The following CFDP1 variants were observed in gnomAD, a reference collection of about 807,000 sequenced individuals.
CFDP1 encodes chromatin remodeling protein CFDP1.
A neutral mutation model predicts 40.1 loss-of-function variants in CFDP1; 31 were observed. The observed-to-expected ratio is 0.77, with a 90% CI of 0.58 to 1.04. The LOEUF (loss-of-function observed/expected upper bound fraction) is 1.04, where lower values mean the gene tolerates loss of function less well. Ranked by LOEUF, CFDP1 falls within the 50% of genes least tolerant of loss-of-function variation. The pLI is 0.00. For missense variants in CFDP1, 423 were observed against 343.4 expected, an observed-to-expected ratio of 1.23 and a Z score of -1.83; for synonymous variants, 167 against 120.0, an observed-to-expected ratio of 1.39 and a Z score of -2.56.
chr16:75,416,384 AAAT>A (rs750314743), intron 1 of CFDP1, among the ~76,000 whole-genome samples: 15 of 152,224 alleles, frequency 9.9e-5, no homozygotes, highest in Non-Finnish European at 2.2e-4. Context: ...CATGGAATAA[AAAT>A]AAGACTTTTA....
At chr16:75,328,768 T>C (rs1425914136) in intron 5 of CFDP1, among the ~76,000 whole-genome samples, 1 of 151,080 alleles carries the variant, frequency 6.6e-6, no homozygotes, top group African/African-American at 2.4e-5. Flanking sequence ...AACCTCTGCT[T>C]CCTGGGTTCA....
intron 5 of CFDP1, among the ~76,000 whole-genome samples, chr16:75,352,333 T>G (rs1255124746): frequency 6.6e-6 from 1 of 151,726 alleles, no homozygotes; most frequent in Non-Finnish European, 1.5e-5. Flanking sequence ...AGAGTAAGAC[T>G]TTGTCTCAAA....
At chr16:75,415,667 A>T (rs2079196998) in intron 1 of CFDP1, among the ~76,000 whole-genome samples, 1 of 152,222 alleles carries the variant, frequency 6.6e-6, no homozygotes, top group Non-Finnish European at 1.5e-5. Flanking sequence ...TATGTTTGTG[A>T]GAGTCACCCA....
At position 75,396,564 on chromosome 16, in the gene CFDP1, ACT is replaced by A. The variant is rs796514320; in HGVS notation, c.531-1357_531-1356del. ...AAAAATAAATAAATAAATTGAGAAGACTCTGCAGAAGGCTCCTGTTTTATATC... is the reference window on the plus strand; with the variant it reads ...AAAAATAAATAAATAAATTGAGAAGACTGCAGAAGGCTCCTGTTTTATATC... On this transcript the variant is annotated intron_variant, in intron 4 of 6. Transcript: ENST00000283882. Among the ~76,000 whole-genome samples, 9 of 102,720 alleles carry A rather than the reference ACT, an allele frequency of 8.8e-5. 3 individuals carry two copies. The highest frequency in any genetic ancestry group is 2.6e-4 in the African/African-American group (9 of 34,532). The allele number at this position is 102,720 out of a possible 152,430, so 67.4% of individuals were successfully genotyped here.
intron 5 of CFDP1, among the ~76,000 whole-genome samples, chr16:75,323,810 C>T (rs1467805906): frequency 2.0e-5 from 3 of 151,156 alleles, no homozygotes; most frequent in Non-Finnish European, 4.4e-5. Context: ...ACTATACATA[C>T]ATAAAACAGT....
chr16:75,338,133 C>T (rs2078502233), intron 5 of CFDP1, among the ~76,000 whole-genome samples: 1 of 152,138 alleles, frequency 6.6e-6, no homozygotes, highest in Admixed American at 6.5e-5. Context: ...TTTGTACTTC[C>T]ACTGAACTCA....
At chr16:75,368,400 T>C (rs1355021010) in intron 5 of CFDP1, among the ~76,000 whole-genome samples, 2 of 152,168 alleles carry the variant, frequency 1.3e-5, no homozygotes, top group Non-Finnish European at 2.9e-5. Flanking sequence ...AGAGCTATCA[T>C]AGATGATGTA....
intron 4 of CFDP1, among the ~76,000 whole-genome samples, chr16:75,405,535 G>A (rs941531475): frequency 6.6e-6 from 1 of 151,828 alleles, no homozygotes; most frequent in African/African-American, 2.4e-5. Context: ...ATCATATGAG[G>A]TCAGGAGTTC....
chr16:75,396,759 T>G (rs1272095145), intron 4 of CFDP1, among the ~76,000 whole-genome samples: 1 of 145,674 alleles, frequency 6.9e-6, no homozygotes. Context: ...ACCTGAGAAT[T>G]CAGATAAAGA....
intron 1 of CFDP1, among the ~76,000 whole-genome samples, chr16:75,418,747 A>C (rs1001368744): frequency 3.3e-5 from 5 of 152,086 alleles, no homozygotes; most frequent in African/African-American, 7.2e-5. Context: ...AAAAAAAAAA[A>C]AAAACTCATT....
intron 1 of CFDP1, among the ~76,000 whole-genome samples, chr16:75,418,010 T>C (rs1313148401): frequency 1.3e-5 from 2 of 152,014 alleles, no homozygotes; most frequent in Admixed American, 6.6e-5. Context: ...TCCCAGCACT[T>C]TGGGAGGCTG....
rs1054388635 is a variant in CFDP1, at chr16:75,294,797, A to C, written c.810-755T>G. ...TCTCTCCTTTCAAGGATCCCCTTGA[A>C]AGGTGGACACTCTGCTCCCTAATCT... On this transcript the variant is annotated intron_variant, in intron 6 of 6. Transcript: ENST00000283882. Among the ~76,000 whole-genome samples the C allele has an allele frequency of 1.8e-4, 28 of 152,120 alleles. 1 individual carries two copies. Among genetic ancestry groups the C allele is most frequent in the African/African-American group, 6.8e-4 (28 of 41,416 alleles).
chr16:75,388,078 G>C (rs928928158), intron 5 of CFDP1, among the ~76,000 whole-genome samples: 2 of 152,180 alleles, frequency 1.3e-5, no homozygotes, highest in South Asian at 4.1e-4. Context: ...TGAGAGCCCA[G>C]GCTTTGGTCT....
chr16:75,403,805 C>G (rs1014954454), intron 4 of CFDP1, among the ~76,000 whole-genome samples: 1 of 152,132 alleles, frequency 6.6e-6, no homozygotes, highest in Non-Finnish European at 1.5e-5. Context: ...TAATTTCAGG[C>G]AGTAAAATAT....
At position 75,326,012 on chromosome 16, in the gene CFDP1, T is replaced by C. The variant is rs377371150; in HGVS notation, c.651-20830A>G. On this transcript the variant is annotated intron_variant, in intron 5 of 6. Transcript: ENST00000283882. ...AATCTGAGGTACAGGGTTTAAGATA[T>C]CTTAGTTGACAAACAAATAAGGGAC... Among the ~76,000 whole-genome samples the C allele has an allele frequency of 1.2e-4, 19 of 152,350 alleles. 3 individuals carry two copies. The highest frequency in any genetic ancestry group is 5.9e-4 in the Admixed American group (9 of 15,294).
intron 1 of CFDP1, among the ~76,000 whole-genome samples, chr16:75,423,403 C>T (rs895264555): frequency 4.0e-5 from 6 of 151,576 alleles, no homozygotes; most frequent in African/African-American, 1.2e-4. Context: ...GAGCTGATTG[C>T]GCCACTGCAC....
chr16:75,386,234 G>T (rs1314149516), intron 5 of CFDP1, among the ~76,000 whole-genome samples: 1 of 152,142 alleles, frequency 6.6e-6, no homozygotes, highest in Non-Finnish European at 1.5e-5. Flanking sequence ...AAGAGCAAAG[G>T]AAAAAGGCTG....
intron 5 of CFDP1, among the ~76,000 whole-genome samples, chr16:75,339,506 G>A (rs1234092572): frequency 1.3e-5 from 2 of 152,122 alleles, no homozygotes; most frequent in East Asian, 1.9e-4. Flanking sequence ...TTTGGCGACT[G>A]TTATGTGCTT....
chr16:75,303,532 T>G (rs75464332), intron 6 of CFDP1, among the ~76,000 whole-genome samples: 1 of 138,838 alleles, frequency 7.2e-6, no homozygotes, highest in Non-Finnish European at 1.6e-5. Context: ...TTGTCTATCA[T>G]TAATAAACTG....
Sources: gnomAD v4.1 joint callset for allele counts (sites outside exome capture counted in the v4.1 genomes callset) on GRCh38, gnomAD v4.1.1 for gene constraint, MANE v1.5 for transcripts, NCBI Gene and HGNC (gene_info 2026-07-23, HGNC 2026-07-21) for gene names.